FYB2: variants seen among roughly 807,000 people sequenced by gnomAD.
FYB2 encodes the protein FYN-binding protein 2.
FYB2 carries 103 observed loss-of-function variants against 94.1 expected under a neutral mutation model. The observed-to-expected ratio is 1.09, with a 90% CI of 0.93 to 1.29. The LOEUF is 1.29. Ranked by LOEUF, FYB2 falls within the 50% of genes most tolerant of loss-of-function variation. The pLI is 0.00. For synonymous variants in FYB2, 293 were observed against 287.9 expected (o/e 1.02, Z -0.18); for missense variants, 896 against 841.5 (o/e 1.06, Z -0.80).
Position 56,767,875 on chromosome 1 carries a change from G to A in FYB2, c.1017C>T (p.His339=). The stretch of plus-strand genomic sequence containing the variant: ...TGCACAGGTTAATGGAGTTGCCAGA[G>A]TGTCTCAGATATGAAATTGTTGCCT... The part of the protein sequence containing the change: ...NYEATISYLR[H]SGNSINLCTA... The change falls in exon 5 of 20, where the codon CAC becomes CAT. Residue 339 remains histidine, a synonymous_variant. Coordinates refer to ENST00000343433, the MANE Select transcript of FYB2 (RefSeq NM_001004303.5). 1 of 1,612,542 alleles carries A rather than the reference G, an allele frequency of 6.2e-7. No individual in the cohort carries two copies.
chr1:56,798,475 T>C (rs976568415), intron 1 of FYB2, among the ~76,000 whole-genome samples: 1 of 152,096 alleles, frequency 6.6e-6, no homozygotes, highest in African/African-American at 2.4e-5. Context: ...ACAAAGACAT[T>C]GCTATTTCAG....
At chr1:56,788,337 A>G (rs1646178578) in intron 3 of FYB2, among the ~76,000 whole-genome samples, 1 of 152,230 alleles carries the variant, frequency 6.6e-6, no homozygotes. Flanking sequence ...GTGTATGTTC[A>G]TCTTGTGTTT....
intron 15 of FYB2, among the ~76,000 whole-genome samples, chr1:56,734,981 G>C (rs753943221): frequency 5.9e-5 from 9 of 151,994 alleles, no homozygotes; most frequent in Non-Finnish European, 1.2e-4. Context: ...CAAGGATGTG[G>C]AGAATAGGAA....
intron 15 of FYB2, among the ~76,000 whole-genome samples, chr1:56,729,517 T>C (rs986121186): frequency 3.9e-5 from 6 of 152,042 alleles, no homozygotes; most frequent in Non-Finnish European, 8.8e-5. Flanking sequence ...CACCCAGATA[T>C]ATAAAGCAAA....
At chr1:56,805,740 A>G (rs1646631505) in intron 1 of FYB2, among the ~76,000 whole-genome samples, 1 of 152,164 alleles carries the variant, frequency 6.6e-6, no homozygotes. Flanking sequence ...ATGATAGTGA[A>G]TAAGTCTCAA....
chr1:56,818,299 G>A (rs1044718510), intron 1 of FYB2, among the ~76,000 whole-genome samples: 21 of 151,896 alleles, frequency 1.4e-4, no homozygotes, highest in African/African-American at 4.8e-4. Context: ...AGAGAAACAT[G>A]CCCTTTGCCC....
chr1:56,794,698 G>A (rs78202314), intron 1 of FYB2, among the ~76,000 whole-genome samples: 9,570 of 151,698 alleles, frequency 0.063, 421 homozygotes, highest in East Asian at 0.2. Context: ...ACAGGCACAC[G>A]CACACACATA....
chr1:56,762,057 C>T (rs556473151), intron 5 of FYB2: 1 of 152,162 alleles, frequency 6.6e-6, no homozygotes, highest in South Asian at 2.1e-4. Flanking sequence ...CTGTATAATT[C>T]TATTTCTGAA....
chr1:56,814,559 T>G (rs1426865064), intron 1 of FYB2, among the ~76,000 whole-genome samples: 1 of 152,222 alleles, frequency 6.6e-6, no homozygotes, highest in Non-Finnish European at 1.5e-5. Flanking sequence ...AAGAGGACTC[T>G]GAGGTGCAGC....
At chr1:56,782,411 T>C (rs985984400) in intron 4 of FYB2, among the ~76,000 whole-genome samples, 1 of 152,132 alleles carries the variant, frequency 6.6e-6, no homozygotes, top group Non-Finnish European at 1.5e-5. Context: ...ATTATTTTAC[T>C]TGAAGGCCTT....
At chr1:56,789,782 C>T (rs1646220057) in intron 2 of FYB2, among the ~76,000 whole-genome samples, 1 of 152,124 alleles carries the variant, frequency 6.6e-6, no homozygotes, top group Non-Finnish European at 1.5e-5. Flanking sequence ...TGTATTGATC[C>T]CCCAGCACCA....
At position 56,718,957 on chromosome 1, in the gene FYB2, T is replaced by C. The variant is rs908099974; in HGVS notation, c.*714A>G. On this transcript the variant is annotated 3_prime_UTR_variant, in exon 20 of 20. Transcript: ENST00000343433. Reference sequence around the variant, plus strand: ...AATAGTTATTTGGGCATAGACAAAATAATGACAATTGTTCTTATTTTGGAC... The same window carrying C: ...AATAGTTATTTGGGCATAGACAAAACAATGACAATTGTTCTTATTTTGGAC... 2 of 152,594 alleles carry C rather than the reference T, an allele frequency of 1.3e-5. No homozygotes were observed. Among genetic ancestry groups the C allele is most frequent in the African/African-American group, 4.8e-5 (2 of 41,452 alleles). The allele number at this position is 152,594 out of a possible 1,614,324, so 9.5% of individuals were successfully genotyped here.
intron 9 of FYB2, among the ~76,000 whole-genome samples, chr1:56,748,094 G>T (rs1645110277): frequency 6.6e-6 from 1 of 151,846 alleles, no homozygotes; most frequent in Non-Finnish European, 1.5e-5. Flanking sequence ...TTTTGATGGG[G>T]TTGTTTTATT....
At chr1:56,798,536 T>C (rs1370903882) in intron 1 of FYB2, among the ~76,000 whole-genome samples, 1 of 152,184 alleles carries the variant, frequency 6.6e-6, no homozygotes, top group Non-Finnish European at 1.5e-5. Context: ...TCTCAGCTCT[T>C]CAAGTGTGGC....
At position 56,788,955 on chromosome 1, in the gene FYB2, C is replaced by A; in HGVS notation, c.919+18G>T. The A allele has an allele frequency of 6.2e-7, 1 of 1,613,924 alleles. No homozygotes were observed. On this transcript the variant is annotated intron_variant, in intron 3 of 19. Coordinates refer to ENST00000343433, the MANE Select transcript of FYB2 (RefSeq NM_001004303.5). ...GACTCCTGGTTGGCCTTGTGTAGGG[C>A]CCTGTGCATTTCCTTACCTTCCCCC... is the stretch of plus-strand genomic sequence containing the variant.
intron 17 of FYB2, among the ~76,000 whole-genome samples, chr1:56,723,353 A>G (rs1306963029): frequency 6.6e-6 from 1 of 151,984 alleles, no homozygotes; most frequent in Non-Finnish European, 1.5e-5. Context: ...TGACATTTGA[A>G]CAGAGCCTTC....
chr1:56,727,095 T>C (rs568870533), intron 15 of FYB2, among the ~76,000 whole-genome samples: 3 of 152,134 alleles, frequency 2.0e-5, no homozygotes, highest in Non-Finnish European at 4.4e-5. Context: ...AAAGAACTAG[T>C]ACTTTTTAGC....
intron 1 of FYB2, among the ~76,000 whole-genome samples, chr1:56,795,685 T>C (rs1437787942): frequency 6.6e-6 from 1 of 151,954 alleles, no homozygotes; most frequent in African/African-American, 2.4e-5. Context: ...AGTTTGTCAG[T>C]GGTTAATATT....
At position 56,719,617 on chromosome 1, in the gene FYB2, G is replaced by T; in HGVS notation, c.*54C>A. 2 of 1,493,914 alleles carry T rather than the reference G, an allele frequency of 1.3e-6. No homozygotes were observed. Among genetic ancestry groups the T allele is most frequent in the Non-Finnish European group, 1.8e-6 (2 of 1,094,008 alleles). 92.5% of individuals were successfully genotyped at this position (1,493,914 alleles called of 1,614,324 possible). Reference sequence around the variant, plus strand: ...TGAAACTGATGTAACGCAGGACTAGGATCTTAGGACTAGTTCTCCTTTGTG... The same window carrying T: ...TGAAACTGATGTAACGCAGGACTAGTATCTTAGGACTAGTTCTCCTTTGTG... On this transcript the variant is annotated 3_prime_UTR_variant, in exon 20 of 20. Coordinates refer to ENST00000343433, the MANE Select transcript of FYB2 (RefSeq NM_001004303.5).
Sources: gnomAD v4.1 joint callset for allele counts (sites outside exome capture counted in the v4.1 genomes callset) on GRCh38, gnomAD v4.1.1 for gene constraint, MANE v1.5 for transcripts, NCBI Gene and HGNC (gene_info 2026-07-23, HGNC 2026-07-21) for gene names.